The following DLC1 variants were observed in gnomAD, a reference collection of about 807,000 sequenced individuals.
DLC1 encodes DLC1 Rho GTPase activating protein, also known as rho GTPase-activating protein 7.
Under a neutral mutation model 140.3 loss-of-function variants are expected in DLC1, and 54 were observed. The observed-to-expected ratio is 0.38, with a 90% CI of 0.31 to 0.48. The LOEUF is 0.48. Ranked by LOEUF, DLC1 falls within the 20% of genes least tolerant of loss-of-function variation. The pLI is 0.96. For missense variants in DLC1, 2,536 were observed against 1,907.0 expected, an observed-to-expected ratio of 1.33 and a Z score of -6.14; for synonymous variants, 986 against 728.1, an observed-to-expected ratio of 1.35 and a Z score of -5.70.
At chr8:13,404,721 G>C (rs1288781139) in intron 2 of DLC1, among the ~76,000 whole-genome samples, 1 of 152,048 alleles carries the variant, frequency 6.6e-6, no homozygotes, top group Non-Finnish European at 1.5e-5. Context: ...TTCTGGGCCA[G>C]GCATGGTGGC....
At chr8:13,114,389 C>A (rs1820370238) in intron 6 of DLC1, among the ~76,000 whole-genome samples, 1 of 152,102 alleles carries the variant, frequency 6.6e-6, no homozygotes, top group Non-Finnish European at 1.5e-5. Flanking sequence ...AAATGAACAG[C>A]CTATTTATCT....
chr8:13,519,109 T>A (rs1480927721), upstream of DLC1, among the ~76,000 whole-genome samples: 1 of 152,008 alleles, frequency 6.6e-6, no homozygotes, highest in Non-Finnish European at 1.5e-5. Context: ...GTTATTTACA[T>A]TAGGTATATC....
At chr8:13,383,628 TC>T (rs1836372950) in intron 4 of DLC1, among the ~76,000 whole-genome samples, 1 of 152,138 alleles carries the variant, frequency 6.6e-6, no homozygotes, top group Non-Finnish European at 1.5e-5. Context: ...TTAGACCTTT[TC>T]CAACATTGAA....
intron 5 of DLC1, among the ~76,000 whole-genome samples, chr8:13,143,850 G>GAGAGAGACAT (rs1395072506): frequency 4.7e-5 from 7 of 147,754 alleles, no homozygotes; most frequent in African/African-American, 1.0e-4. Flanking sequence ...GAGAGAGAGA[G>GAGAGAGACAT]AGACATAGAC....
At chr8:13,526,362 T>C (rs1170294665) in intron 1 of DLC1, among the ~76,000 whole-genome samples, 1 of 152,180 alleles carries the variant, frequency 6.6e-6, no homozygotes. Context: ...ACTGTTGGGA[T>C]TTTGATCAAT....
intron 2 of DLC1, among the ~76,000 whole-genome samples, chr8:13,458,908 T>C (rs891767805): frequency 6.6e-6 from 1 of 152,208 alleles, no homozygotes. Flanking sequence ...AAATTAGTTA[T>C]GCACAATAGC....
intron 4 of DLC1, among the ~76,000 whole-genome samples, chr8:13,337,644 A>C: frequency 6.6e-6 from 1 of 152,306 alleles, no homozygotes; most frequent in East Asian, 1.9e-4. Context: ...ACAACTTATA[A>C]GAAATCTAAA....
intron 4 of DLC1, among the ~76,000 whole-genome samples, chr8:13,347,549 G>A (rs1378861025): frequency 1.3e-5 from 2 of 152,100 alleles, no homozygotes; most frequent in African/African-American, 2.4e-5. Flanking sequence ...TTCTTCCTGT[G>A]TATATTTAAG....
At chr8:13,196,416 A>T (rs1195813390) in intron 5 of DLC1, among the ~76,000 whole-genome samples, 1 of 152,120 alleles carries the variant, frequency 6.6e-6, no homozygotes, top group Non-Finnish European at 1.5e-5. Flanking sequence ...TATTTTTCTC[A>T]TTTCAACACA....
At chr8:13,379,466 T>C (rs1407946423) in intron 4 of DLC1, among the ~76,000 whole-genome samples, 1 of 152,096 alleles carries the variant, frequency 6.6e-6, no homozygotes, top group Non-Finnish European at 1.5e-5. Flanking sequence ...TAACCTACAG[T>C]TGGGCAAAGA....
At chr8:13,231,814 G>A (rs1237077069) in intron 5 of DLC1, among the ~76,000 whole-genome samples, 1 of 152,168 alleles carries the variant, frequency 6.6e-6, no homozygotes, top group Non-Finnish European at 1.5e-5. Flanking sequence ...ATCTTTAAAA[G>A]GTCTCTGCAA....
intron 2 of DLC1, among the ~76,000 whole-genome samples, chr8:13,420,899 C>G (rs536915222): frequency 1.3e-5 from 2 of 152,118 alleles, no homozygotes; most frequent in African/African-American, 4.8e-5. Context: ...TGCAGTAAGC[C>G]CCATGTGGCA....
chr8:13,426,741 C>T (rs1260257691), intron 2 of DLC1, among the ~76,000 whole-genome samples: 2 of 152,132 alleles, frequency 1.3e-5, no homozygotes, highest in Non-Finnish European at 2.9e-5. Flanking sequence ...CATATTTCCT[C>T]AGGGTTCCTG....
chr8:13,292,306 C>T (rs1831786910), intron 5 of DLC1, among the ~76,000 whole-genome samples: 1 of 152,170 alleles, frequency 6.6e-6, no homozygotes, highest in East Asian at 1.9e-4. Context: ...GGTCACTGCT[C>T]TGTTTATATT....
At chr8:13,523,186 G>T (rs1285862190) in intron 1 of DLC1, among the ~76,000 whole-genome samples, 2 of 152,188 alleles carry the variant, frequency 1.3e-5, no homozygotes, top group Admixed American at 6.5e-5. Context: ...CCAGGTCACT[G>T]TGGTAATCCA....
intron 1 of DLC1, among the ~76,000 whole-genome samples, chr8:13,582,253 T>C (rs1286554055): frequency 6.6e-6 from 1 of 152,234 alleles, no homozygotes; most frequent in African/African-American, 2.4e-5. Context: ...TGAAACATTT[T>C]GCATACACTC....
At chr8:13,258,124 C>G (rs1305310542) in intron 5 of DLC1, among the ~76,000 whole-genome samples, 1 of 152,184 alleles carries the variant, frequency 6.6e-6, no homozygotes, top group East Asian at 1.9e-4. Flanking sequence ...CCCAGCAAAT[C>G]ACAAGTGCAA....
intron 6 of DLC1, among the ~76,000 whole-genome samples, chr8:13,113,190 G>A (rs576525490): frequency 6.6e-6 from 1 of 152,296 alleles, no homozygotes; most frequent in South Asian, 2.1e-4. Flanking sequence ...ATAGTTTACT[G>A]ATGTATAGAA....
intron 2 of DLC1, among the ~76,000 whole-genome samples, chr8:13,432,601 T>G (rs749909185): frequency 1.3e-5 from 2 of 152,190 alleles, no homozygotes; most frequent in Non-Finnish European, 2.9e-5. Context: ...TTTACACCCA[T>G]GGAGGCTGGA....
Sources: allele counts gnomAD v4.1 joint callset (sites outside exome capture counted in the v4.1 genomes callset), GRCh38; gene constraint gnomAD v4.1.1; transcripts MANE v1.5; gene names NCBI Gene and HGNC (gene_info 2026-07-23, HGNC 2026-07-21).